HMGB1: variants seen among roughly 807,000 people sequenced by gnomAD.
HMGB1 encodes high mobility group protein B1.
For synonymous variants in HMGB1, 81 were observed against 84.0 expected (o/e 0.96, Z 0.19); for missense variants, 79 against 253.5 (o/e 0.31, Z 4.67).
At chr13:30,485,175 GTA>G in intron 1 of HMGB1, among the ~76,000 whole-genome samples, 1 of 151,888 alleles carries the variant, frequency 6.6e-6, no homozygotes, top group South Asian at 2.1e-4. Flanking sequence ...GGGACTACAG[GTA>G]TGAGCCACCA....
chr13:30,510,517 C>G (rs1277512068), intron 1 of HMGB1, among the ~76,000 whole-genome samples: 2 of 151,608 alleles, frequency 1.3e-5, no homozygotes, highest in Non-Finnish European at 2.9e-5. Flanking sequence ...CCCCAGTTTG[C>G]CTATTCCTTT....
intron 1 of HMGB1, among the ~76,000 whole-genome samples, chr13:30,557,648 A>G (rs1593310999): frequency 1.3e-5 from 2 of 152,352 alleles, no homozygotes; most frequent in Admixed American, 1.3e-4. Flanking sequence ...ACCAACAACC[A>G]GCTTTTGCAA....
chr13:30,476,409 GATTAC>G (rs1887099601), intron 1 of HMGB1, among the ~76,000 whole-genome samples: 2 of 152,050 alleles, frequency 1.3e-5, no homozygotes, highest in Non-Finnish European at 2.9e-5. Flanking sequence ...AAAGTGCTGG[GATTAC>G]AGGCCTGAGC....
intron 1 of HMGB1, among the ~76,000 whole-genome samples, chr13:30,591,320 T>C (rs1336760625): frequency 2.6e-5 from 4 of 151,928 alleles, no homozygotes; most frequent in African/African-American, 9.7e-5. Flanking sequence ...GTGTGAACCA[T>C]CGCGCCTGGC....
At chr13:30,573,145 G>A (rs1007029761) in intron 1 of HMGB1, among the ~76,000 whole-genome samples, 6 of 152,070 alleles carry the variant, frequency 3.9e-5, no homozygotes, top group African/African-American at 9.7e-5. Flanking sequence ...TGCAAAGGAG[G>A]CATCTTTGTA....
chr13:30,461,339 A>G lies in HMGB1; in HGVS notation c.*18T>C. The G allele has an allele frequency of 1.9e-6, 3 of 1,540,556 alleles. No homozygotes were observed. The highest frequency in any genetic ancestry group is 2.6e-6 in the Non-Finnish European group (3 of 1,150,710). On this transcript the variant is annotated 3_prime_UTR_variant, in exon 5 of 5. Coordinates refer to ENST00000341423, the MANE Select transcript of HMGB1 (RefSeq NM_002128.7). ...AATGCTTTATAGACAAGAAAAAAAA[A>G]ACTGCGCTAGAACCAACTTATTCAT...
intron 1 of HMGB1, among the ~76,000 whole-genome samples, chr13:30,489,918 A>G (rs1442713323): frequency 6.6e-6 from 1 of 151,216 alleles, no homozygotes; most frequent in African/African-American, 2.4e-5. Context: ...TAATTTTAGT[A>G]GAGACGGGGT....
At position 30,458,362 on chromosome 13, in the gene HMGB1, C is replaced by T. The variant is rs1238714959; in HGVS notation, c.*2995G>A. 5 of 133,674 alleles carry T rather than the reference C, an allele frequency of 3.7e-5. No homozygotes were observed. Among genetic ancestry groups the T allele is most frequent in the Middle Eastern group, 5.2e-3 (1 of 192 alleles). The allele number at this position is 133,674 out of a possible 1,614,324, so 8.3% of individuals were successfully genotyped here. A position where few individuals can be genotyped will look rare whatever the true frequency, so the allele number is the denominator to read the frequency against. ...TTTTTTTTTTTGAGATGGAGTCTTG[C>T]TCTGTCACCCAGGCTGGAGTGCAGT... is the stretch of plus-strand genomic sequence containing the variant. On this transcript the variant is annotated 3_prime_UTR_variant, in exon 5 of 5. Coordinates refer to ENST00000341423, the MANE Select transcript of HMGB1 (RefSeq NM_002128.7).
chr13:30,605,663 G>C (rs1437333982), intron 1 of HMGB1, among the ~76,000 whole-genome samples: 3 of 152,228 alleles, frequency 2.0e-5, no homozygotes, highest in African/African-American at 7.2e-5. Flanking sequence ...AAGAAGGGTA[G>C]AGGTGGTAGC....
At chr13:30,494,884 A>G (rs1040201134) in intron 1 of HMGB1, among the ~76,000 whole-genome samples, 5 of 152,152 alleles carry the variant, frequency 3.3e-5, no homozygotes, top group African/African-American at 1.2e-4. Flanking sequence ...TAGAGTATGT[A>G]AGAGTATATA....
chr13:30,468,744 G>A (rs1886857480), upstream of HMGB1, among the ~76,000 whole-genome samples: 1 of 152,134 alleles, frequency 6.6e-6, no homozygotes, highest in Admixed American at 6.5e-5. Flanking sequence ...ACATAAAAAA[G>A]ACAGAAATTT....
At chr13:30,482,620 G>A (rs115061500) in intron 1 of HMGB1, among the ~76,000 whole-genome samples, 45 of 152,198 alleles carry the variant, frequency 3.0e-4, no homozygotes, top group African/African-American at 9.4e-4. Flanking sequence ...AGTCTGACTC[G>A]ACACCTTCCA....
chr13:30,490,954 T>A (rs1393398224), intron 1 of HMGB1, among the ~76,000 whole-genome samples: 1 of 152,092 alleles, frequency 6.6e-6, no homozygotes. Flanking sequence ...TGCAAGTGAA[T>A]AGACACCAGA....
intron 1 of HMGB1, among the ~76,000 whole-genome samples, chr13:30,485,028 CTTTTTCTTTTTT>C (rs1421634786): frequency 6.1e-4 from 59 of 96,736 alleles, no homozygotes; most frequent in African/African-American, 1.6e-3. Context: ...TTCTTTTTTT[CTTTTTCTTTTTT>C]TTTTTTTTTG....
At chr13:30,547,100 C>T (rs1869198926) in intron 1 of HMGB1, among the ~76,000 whole-genome samples, 2 of 152,250 alleles carry the variant, frequency 1.3e-5, no homozygotes, top group Admixed American at 1.3e-4. Flanking sequence ...ATTCACATAA[C>T]TCATGACAAA....
intron 1 of HMGB1, among the ~76,000 whole-genome samples, chr13:30,560,444 T>C (rs867909755): frequency 6.6e-6 from 1 of 152,132 alleles, no homozygotes; most frequent in Non-Finnish European, 1.5e-5. Context: ...CATAAGGAAG[T>C]AGGGATACCC....
intron 1 of HMGB1, among the ~76,000 whole-genome samples, chr13:30,580,598 T>C (rs1870856019): frequency 6.6e-6 from 1 of 152,238 alleles, no homozygotes; most frequent in South Asian, 2.1e-4. Flanking sequence ...ATCTCCTACA[T>C]GCCAGGGAAT....
chr13:30,567,777 T>G (rs1379965037), intron 1 of HMGB1, among the ~76,000 whole-genome samples: 1 of 152,214 alleles, frequency 6.6e-6, no homozygotes, highest in Non-Finnish European at 1.5e-5. Flanking sequence ...CAGCTCTTTC[T>G]TGTTAGAACA....
intron 1 of HMGB1, among the ~76,000 whole-genome samples, chr13:30,579,659 A>T (rs138362444): frequency 6.6e-6 from 1 of 152,272 alleles, no homozygotes; most frequent in African/African-American, 2.4e-5. Flanking sequence ...CAGTAATGGG[A>T]TCTTCCTCAC....
Sources: gnomAD v4.1 joint callset for allele counts (sites outside exome capture counted in the v4.1 genomes callset) on GRCh38, gnomAD v4.1.1 for gene constraint, MANE v1.5 for transcripts, NCBI Gene and HGNC (gene_info 2026-07-23, HGNC 2026-07-21) for gene names.